Variants in TMEM132B observed in about 807,000 individuals in gnomAD.
TMEM132B encodes the protein transmembrane protein 132B.
TMEM132B carries 18 observed loss-of-function variants against 90.8 expected under a neutral mutation model. That is an observed-to-expected ratio of 0.20 (90% CI 0.14 to 0.29). The LOEUF is 0.29. Ranked by LOEUF, TMEM132B falls within the 10% of genes least tolerant of loss-of-function variation. The pLI is 1.00. For synonymous variants in TMEM132B, 504 were observed against 523.3 expected (o/e 0.96, Z 0.50); for missense variants, 1,096 against 1,326.8 (o/e 0.83, Z 2.70).
intron 2 of TMEM132B, among the ~76,000 whole-genome samples, chr12:125,373,354 G>A (rs927247756): frequency 3.9e-5 from 6 of 152,158 alleles, no homozygotes; most frequent in Admixed American, 3.9e-4. Context: ...TTTGGATATA[G>A]GGCCTTTAAA....
At chr12:125,346,268 A>T (rs375689470) in intron 1 of TMEM132B, among the ~76,000 whole-genome samples, 24 of 152,244 alleles carry the variant, frequency 1.6e-4, no homozygotes, top group African/African-American at 5.5e-4. Flanking sequence ...TAAAGAAAAC[A>T]ATAAACCAAT....
chr12:125,538,785 A>G (rs898141074), intron 4 of TMEM132B, among the ~76,000 whole-genome samples: 2 of 152,270 alleles, frequency 1.3e-5, no homozygotes, highest in African/African-American at 2.4e-5. Flanking sequence ...TGTTGACAGA[A>G]TCTTCCGCCA....
intron 5 of TMEM132B, among the ~76,000 whole-genome samples, chr12:125,591,010 T>A (rs1293647522): frequency 1.3e-5 from 2 of 151,744 alleles, no homozygotes; most frequent in African/African-American, 4.9e-5. Flanking sequence ...TGTGTACGCA[T>A]GCACGCCCGC....
intron 1 of TMEM132B, among the ~76,000 whole-genome samples, chr12:125,305,443 G>A (rs188960198): frequency 2.5e-4 from 38 of 152,000 alleles, no homozygotes; most frequent in South Asian, 4.2e-4. Context: ...CCCAGGGTAG[G>A]GGGGGGAAGG....
intron 3 of TMEM132B, among the ~76,000 whole-genome samples, chr12:125,456,215 A>G (rs189599340): frequency 6.6e-6 from 1 of 152,266 alleles, no homozygotes; most frequent in East Asian, 1.9e-4. Flanking sequence ...GTTTGCTACC[A>G]CAGCACCCCC....
intron 1 of TMEM132B, among the ~76,000 whole-genome samples, chr12:125,218,263 A>T (rs1222224124): frequency 6.6e-6 from 1 of 152,138 alleles, no homozygotes; most frequent in Non-Finnish European, 1.5e-5. Context: ...ATTTCATGCC[A>T]TGTGCATTTT....
intron 4 of TMEM132B, among the ~76,000 whole-genome samples, chr12:125,576,104 T>C (rs1884935592): frequency 6.6e-6 from 1 of 152,112 alleles, no homozygotes; most frequent in South Asian, 2.1e-4. Context: ...TTTTCCAATC[T>C]ATGAACGTAG....
intron 3 of TMEM132B, among the ~76,000 whole-genome samples, chr12:125,516,131 TCACA>T (rs71760345): frequency 1.3e-5 from 2 of 151,066 alleles, no homozygotes; most frequent in African/African-American, 2.4e-5. Context: ...TATCGCAATC[TCACA>T]CACACACTCA....
At chr12:125,201,135 T>C (rs1327479143) in intron 1 of TMEM132B, among the ~76,000 whole-genome samples, 1 of 152,204 alleles carries the variant, frequency 6.6e-6, no homozygotes, top group East Asian at 1.9e-4. Flanking sequence ...TGTTTCTCTC[T>C]TAAATGTATG....
intron 4 of TMEM132B, among the ~76,000 whole-genome samples, chr12:125,520,276 C>T (rs1179964230): frequency 6.6e-6 from 1 of 152,198 alleles, no homozygotes; most frequent in Non-Finnish European, 1.5e-5. Flanking sequence ...TCCACGGAGA[C>T]AGTAAGTCCA....
intron 5 of TMEM132B, among the ~76,000 whole-genome samples, chr12:125,639,773 G>A (rs1409533704): frequency 6.6e-6 from 1 of 152,208 alleles, no homozygotes; most frequent in South Asian, 2.1e-4. Flanking sequence ...GACCAGAGGC[G>A]GGTGCCAAGT....
chr12:125,310,253 T>A (rs1876091874), intron 1 of TMEM132B, among the ~76,000 whole-genome samples: 1 of 152,182 alleles, frequency 6.6e-6, no homozygotes, highest in South Asian at 2.1e-4. Context: ...CCACAAGCTG[T>A]GCAAAGCAGC....
At position 125,300,431 on chromosome 12, in the gene TMEM132B, T is replaced by TC. The variant is rs1435461882; in HGVS notation, c.68-49020dup. 2.6e-5 allele frequency among the ~76,000 whole-genome samples: 4 copies of TC among 152,174 alleles called. No individual in the cohort carries two copies. In the East Asian group the frequency reaches 7.7e-4, roughly 29 times the overall value. On this transcript the variant is annotated intron_variant, in intron 1 of 8. Transcript: ENST00000682704. ...AAGCTGAGCCAGCCCCCAAGTGGCA[T>TC]CAGATGGCACCTTGGCCCCTGTGTG...
In TMEM132B at chr12:125,321,978, C is replaced by T. The variant is rs566713107; in HGVS notation, c.68-27474C>T. On this transcript the variant is annotated intron_variant, in intron 1 of 8. Coordinates refer to ENST00000682704, the MANE Select transcript of TMEM132B (RefSeq NM_001366854.1). ...ACACCCATACAATGGAATAAAAAGG[C>T]ACAACCTACTGATAAATATAATAAC... Among the ~76,000 whole-genome samples, 8 of 152,296 alleles carry T rather than the reference C, an allele frequency of 5.3e-5. No individual in the cohort carries two copies. The South Asian group carries it at 6.2e-4, about 12-fold the overall frequency.
intron 3 of TMEM132B, among the ~76,000 whole-genome samples, chr12:125,480,047 T>G (rs1881997011): frequency 6.6e-6 from 1 of 152,190 alleles, no homozygotes; most frequent in Non-Finnish European, 1.5e-5. Flanking sequence ...ATAAAGATGT[T>G]CTTCGAAACT....
At chr12:125,383,788 C>T (rs529319748) in intron 2 of TMEM132B, among the ~76,000 whole-genome samples, 3 of 152,282 alleles carry the variant, frequency 2.0e-5, no homozygotes, top group Admixed American at 6.5e-5. Context: ...GCTAGATAGG[C>T]GAAGGCTCTA....
At chr12:125,244,616 C>A (rs1329276778) in intron 1 of TMEM132B, among the ~76,000 whole-genome samples, 1 of 152,218 alleles carries the variant, frequency 6.6e-6, no homozygotes, top group African/African-American at 2.4e-5. Flanking sequence ...ATTTTACCAG[C>A]CAAGTGCCAG....
intron 5 of TMEM132B, among the ~76,000 whole-genome samples, chr12:125,636,118 C>G (rs1173429465): frequency 1.3e-5 from 2 of 152,152 alleles, no homozygotes; most frequent in Admixed American, 6.5e-5. Flanking sequence ...ACTGTTAGTG[C>G]TCCCCTGAGT....
chr12:125,395,061 G>T (rs1879132699), intron 2 of TMEM132B, among the ~76,000 whole-genome samples: 1 of 152,180 alleles, frequency 6.6e-6, no homozygotes, highest in African/African-American at 2.4e-5. Context: ...AATATAGGTG[G>T]CAAATAAAGC....
Sources: gnomAD v4.1 joint callset for allele counts (sites outside exome capture counted in the v4.1 genomes callset) on GRCh38, gnomAD v4.1.1 for gene constraint, MANE v1.5 for transcripts, NCBI Gene and HGNC (gene_info 2026-07-23, HGNC 2026-07-21) for gene names.